The following PDE4D variants were observed in gnomAD, a reference collection of about 807,000 sequenced individuals.
The protein encoded by PDE4D is 3',5'-cyclic-AMP phosphodiesterase 4D.
Under a neutral mutation model 87.4 loss-of-function variants are expected in PDE4D, and 24 were observed. The ratio of observed to expected loss-of-function variants is 0.27; its 90% CI spans 0.20 to 0.39. PDE4D has a LOEUF of 0.39. PDE4D is among the 10% of genes least tolerant of loss of function. The pLI is 1.00. For synonymous variants in PDE4D, 384 were observed against 383.2 expected (o/e 1.00, Z -0.02); for missense variants, 714 against 1,041.0 (o/e 0.69, Z 4.32).
At chr5:59,835,360 A>G (rs1741861712) in intron 1 of PDE4D, among the ~76,000 whole-genome samples, 1 of 152,014 alleles carries the variant, frequency 6.6e-6, no homozygotes, top group Admixed American at 6.6e-5. Flanking sequence ...ATCATCCCTC[A>G]GGCAAATGCC....
intron 3 of PDE4D, among the ~76,000 whole-genome samples, chr5:59,985,124 G>GT (rs762506771): frequency 0.19 from 20,574 of 108,314 alleles, 4,464 homozygotes; most frequent in Non-Finnish European, 0.27. Flanking sequence ...TTCACCTTTC[G>GT]TTTTTTGTTT....
chr5:60,277,966 A>C (rs1751543156), intron 1 of PDE4D, among the ~76,000 whole-genome samples: 1 of 152,186 alleles, frequency 6.6e-6, no homozygotes, highest in African/African-American at 2.4e-5. Context: ...CATAATTTAG[A>C]AAACTCAGGA....
At position 59,787,018 on chromosome 5, in the gene PDE4D, T is replaced by A. The variant is rs530785141; in HGVS notation, c.455+106150A>T. On this transcript the variant is annotated intron_variant, in intron 1 of 14. Transcript: ENST00000340635. ...ATGAATTGGTCTCATCTCACATAGA[T>A]CTGAGTATAAATTATGTGCTTTATT... Among the ~76,000 whole-genome samples, 3 of 152,316 alleles carry A rather than the reference T, an allele frequency of 2.0e-5. No individual in the cohort carries two copies. The South Asian group carries it at 6.2e-4, about 32-fold the overall frequency.
At chr5:60,278,500 G>A (rs1260318400) in intron 1 of PDE4D, among the ~76,000 whole-genome samples, 5 of 151,846 alleles carry the variant, frequency 3.3e-5, no homozygotes, top group Non-Finnish European at 5.9e-5. Flanking sequence ...CCTCTTTCTC[G>A]TCTCTTTCTG....
At chr5:59,795,058 C>T (rs569747326) in intron 1 of PDE4D, among the ~76,000 whole-genome samples, 5 of 152,158 alleles carry the variant, frequency 3.3e-5, no homozygotes, top group South Asian at 4.1e-4. Flanking sequence ...CATATCCTAG[C>T]GGGGCTCTGA....
intron 5 of PDE4D, among the ~76,000 whole-genome samples, chr5:59,133,869 C>T (rs1443297329): frequency 2.0e-5 from 3 of 152,112 alleles, no homozygotes; most frequent in African/African-American, 7.2e-5. Flanking sequence ...CAAACTTTGA[C>T]CAATGAGAGA....
At chr5:59,363,894 T>C (rs1562035912) in intron 1 of PDE4D, among the ~76,000 whole-genome samples, 1 of 152,126 alleles carries the variant, frequency 6.6e-6, no homozygotes, top group South Asian at 2.1e-4. Flanking sequence ...GCCTAGAGTA[T>C]AGTTCAGCTT....
chr5:59,761,158 GA>G (rs1172370216), intron 1 of PDE4D, among the ~76,000 whole-genome samples: 10 of 152,206 alleles, frequency 6.6e-5, no homozygotes, highest in South Asian at 4.1e-4. Flanking sequence ...TCTAAACATA[GA>G]AAAGGTACAG....
chr5:60,080,289 A>G (rs1172445266), intron 2 of PDE4D, among the ~76,000 whole-genome samples: 2 of 152,158 alleles, frequency 1.3e-5, no homozygotes, highest in Non-Finnish European at 2.9e-5. Context: ...GGCTGAGATG[A>G]TGGTGTTTGC....
chr5:59,308,054 C>T lies in PDE4D; in HGVS notation c.456-92086G>A, dbSNP rs552631246. On this transcript the variant is annotated intron_variant, in intron 1 of 14. Transcript: ENST00000340635. ...CCATAAAAAATGATGAGTTCATGTC[C>T]TTTGTAGGGACATGGATGAAATTGG... Among the ~76,000 whole-genome samples the T allele has an allele frequency of 5.3e-5, 8 of 152,224 alleles. No homozygotes were observed. In the South Asian group the frequency reaches 1.7e-3, roughly 32 times the overall value.
chr5:59,208,654 T>C (rs1356730380), intron 2 of PDE4D, among the ~76,000 whole-genome samples: 1 of 152,200 alleles, frequency 6.6e-6, no homozygotes, highest in Non-Finnish European at 1.5e-5. Context: ...ATTAGGAATA[T>C]AAAATGCCTA....
intron 1 of PDE4D, among the ~76,000 whole-genome samples, chr5:59,855,469 C>G (rs192435923): frequency 6.6e-6 from 1 of 152,170 alleles, no homozygotes; most frequent in Admixed American, 6.5e-5. Flanking sequence ...CAAGCATGCT[C>G]TCCAAGGGAA....
chr5:60,244,690 A>T (rs990151505), intron 1 of PDE4D, among the ~76,000 whole-genome samples: 1 of 152,022 alleles, frequency 6.6e-6, no homozygotes, highest in Non-Finnish European at 1.5e-5. Flanking sequence ...CCAAGAACAT[A>T]CATTAGGGAA....
chr5:60,180,662 A>C (rs1784308186), intron 2 of PDE4D, among the ~76,000 whole-genome samples: 1 of 152,180 alleles, frequency 6.6e-6, no homozygotes, highest in Admixed American at 6.5e-5. Flanking sequence ...GCCATTCAGT[A>C]AATATTTGTA....
At chr5:59,000,684 A>C (rs1255475136) in intron 6 of PDE4D, among the ~76,000 whole-genome samples, 1 of 152,048 alleles carries the variant, frequency 6.6e-6, no homozygotes, top group African/African-American at 2.4e-5. Context: ...TTTGATCAGA[A>C]GAGAATATTT....
intron 1 of PDE4D, among the ~76,000 whole-genome samples, chr5:60,391,277 T>C (rs1198616947): frequency 6.6e-6 from 1 of 152,222 alleles, no homozygotes; most frequent in Non-Finnish European, 1.5e-5. Context: ...CCAGTCACAC[T>C]GTCTGCTCTG....
intron 1 of PDE4D, among the ~76,000 whole-genome samples, chr5:59,535,081 G>A (rs1232569709): frequency 1.4e-5 from 2 of 143,176 alleles, no homozygotes; most frequent in South Asian, 2.3e-4. Flanking sequence ...GTGTGTGGGG[G>A]GGGGGTCCTC....
chr5:59,275,327 A>G, intron 1 of PDE4D: 1 of 1,590,594 alleles, frequency 6.3e-7, no homozygotes, highest in Non-Finnish European at 8.5e-7. Flanking sequence ...CATGAGAGAA[A>G]AGAACGTTAC....
At chr5:60,370,534 A>C (rs1440556096) in intron 1 of PDE4D, among the ~76,000 whole-genome samples, 2 of 152,230 alleles carry the variant, frequency 1.3e-5, no homozygotes, top group African/African-American at 2.4e-5. Context: ...AGTAATAAGA[A>C]GAAAGAAAAT....
Sources: allele counts gnomAD v4.1 joint callset (sites outside exome capture counted in the v4.1 genomes callset), GRCh38; gene constraint gnomAD v4.1.1; transcripts MANE v1.5; gene names NCBI Gene and HGNC (gene_info 2026-07-23, HGNC 2026-07-21).